SLC2A13: variants seen among roughly 807,000 people sequenced by gnomAD.
SLC2A13 encodes solute carrier family 2 member 13.
SLC2A13 carries 32 observed loss-of-function variants against 64.4 expected under a neutral mutation model. The observed-to-expected ratio is 0.50, with a 90% CI of 0.37 to 0.67. The LOEUF (loss-of-function observed/expected upper bound fraction) is 0.67. Ranked by LOEUF, SLC2A13 falls within the 30% of genes least tolerant of loss-of-function variation. The pLI is 0.00. For synonymous variants in SLC2A13, 338 were observed against 327.1 expected (o/e 1.03, Z -0.36); for missense variants, 743 against 829.2 (o/e 0.90, Z 1.28).
At chr12:39,968,763 T>TATATATATATAC (rs1946581772) in intron 3 of SLC2A13, among the ~76,000 whole-genome samples, 1 of 108,836 alleles carries the variant, frequency 9.2e-6, no homozygotes, top group Non-Finnish European at 1.8e-5. Context: ...TTTTTTGGTA[T>TATATATATATAC]ATATATATAT....
intron 7 of SLC2A13, among the ~76,000 whole-genome samples, chr12:39,771,690 G>A (rs1940583539): frequency 6.6e-6 from 1 of 152,020 alleles, no homozygotes; most frequent in South Asian, 2.1e-4. Flanking sequence ...ACAGTTTCCT[G>A]ATTTTCCTGC....
intron 2 of SLC2A13, among the ~76,000 whole-genome samples, chr12:40,041,373 C>A (rs1202286116): frequency 1.3e-5 from 2 of 152,248 alleles, no homozygotes; most frequent in Admixed American, 6.5e-5. Flanking sequence ...GATGACAGGG[C>A]CTTTGAAGAT....
chr12:39,864,951 A>C, intron 5 of SLC2A13, 69 bp from the exon 6 acceptor site: 4 of 1,416,234 alleles, frequency 2.8e-6, no homozygotes, highest in Non-Finnish European at 3.8e-6. Flanking sequence ...TGGGTTTGGT[A>C]AAAACAAACC....
At chr12:39,864,644 T>C (rs1943855330) in intron 6 of SLC2A13, 118 bp downstream of exon 6, 1 of 1,360,698 alleles carries the variant, frequency 7.3e-7, no homozygotes, top group Admixed American at 2.3e-5. Context: ...CTTCCCTTCT[T>C]ACATAAGCCT....
chr12:39,840,026 T>G (rs1185191345), intron 6 of SLC2A13, among the ~76,000 whole-genome samples: 1 of 151,756 alleles, frequency 6.6e-6, no homozygotes, highest in Non-Finnish European at 1.5e-5. Flanking sequence ...TCTCCATTCT[T>G]TTTTTTTGTT....
In SLC2A13 at chr12:40,081,293, G is replaced by A. The variant is rs1308182906; in HGVS notation, c.556+23960C>T. 2.0e-5 allele frequency among the ~76,000 whole-genome samples: 3 copies of A among 152,064 alleles called. No homozygotes were observed. In the East Asian group the frequency reaches 5.8e-4, roughly 29 times the overall value. On this transcript the variant is annotated intron_variant, in intron 1 of 9. Transcript: ENST00000280871. ...TTTCCTGGACAATATCCACAAAAAC[G>A]TTTTCCAAGTTGCTTGCTCTCTCTG...
At position 40,060,096 on chromosome 12, in the gene SLC2A13, C is replaced by CATGG. The variant is rs567067359; in HGVS notation, c.557-11890_557-11887dup. On this transcript the variant is annotated intron_variant, in intron 1 of 9. Coordinates refer to ENST00000280871, the MANE Select transcript of SLC2A13 (RefSeq NM_052885.4). ...TAATGGACGGATGGATGGATGGATGCATGGATGGATGGATGGATGGATGGA... is the reference window on the plus strand; with the variant it reads ...TAATGGACGGATGGATGGATGGATGCATGGATGGATGGATGGATGGATGGATGGA... Among the ~76,000 whole-genome samples the CATGG allele has an allele frequency of 5.0e-3, 750 of 151,326 alleles. 1 individual carries two copies. The highest frequency in any genetic ancestry group is 0.014 in the African/African-American group (580 of 41,184).
At chr12:39,978,661 C>T (rs914045593) in intron 3 of SLC2A13, among the ~76,000 whole-genome samples, 9 of 152,242 alleles carry the variant, frequency 5.9e-5, no homozygotes, top group Admixed American at 2.6e-4. Flanking sequence ...ACACCTGGCT[C>T]GGAGGGTCCT....
At chr12:39,805,773 T>C (rs1941960040) in intron 7 of SLC2A13, among the ~76,000 whole-genome samples, 1 of 152,114 alleles carries the variant, frequency 6.6e-6, no homozygotes, top group African/African-American at 2.4e-5. Context: ...CAGATCTGAG[T>C]GGGCAAGTCA....
intron 2 of SLC2A13, among the ~76,000 whole-genome samples, chr12:40,039,632 T>C (rs1948051257): frequency 1.3e-5 from 2 of 152,250 alleles, no homozygotes; most frequent in South Asian, 4.1e-4. Context: ...CTAGAGATAC[T>C]GCTTCACAAA....
At chr12:39,798,229 G>C (rs1350583679) in intron 7 of SLC2A13, among the ~76,000 whole-genome samples, 1 of 152,166 alleles carries the variant, frequency 6.6e-6, no homozygotes, top group Admixed American at 6.5e-5. Flanking sequence ...GGATCCTTCA[G>C]CTCCCCTTAA....
At chr12:40,075,176 G>C (rs1314334700) in intron 1 of SLC2A13, among the ~76,000 whole-genome samples, 1 of 152,178 alleles carries the variant, frequency 6.6e-6, no homozygotes, top group Non-Finnish European at 1.5e-5. Context: ...ACCTGGTAGA[G>C]CAGCAAGAGG....
intron 7 of SLC2A13, among the ~76,000 whole-genome samples, chr12:39,774,605 T>G (rs1940706625): frequency 6.6e-6 from 1 of 151,848 alleles, no homozygotes; most frequent in African/African-American, 2.4e-5. Flanking sequence ...TTTTTTGGTT[T>G]TGTAATTTTC....
intron 1 of SLC2A13, among the ~76,000 whole-genome samples, chr12:40,075,527 C>T (rs1938137038): frequency 6.6e-6 from 1 of 152,182 alleles, no homozygotes; most frequent in Admixed American, 6.5e-5. Flanking sequence ...TCCTGATATG[C>T]CCAACAATTT....
chr12:40,035,867 T>G (rs895243332), intron 2 of SLC2A13, among the ~76,000 whole-genome samples: 4 of 152,234 alleles, frequency 2.6e-5, no homozygotes, highest in African/African-American at 9.6e-5. Flanking sequence ...TGACAGAATG[T>G]GATATCGTTG....
At position 39,990,462 on chromosome 12, in the gene SLC2A13, A is replaced by G. The variant is rs1382295136; in HGVS notation, c.925+37839T>C. On this transcript the variant is annotated intron_variant, in intron 3 of 9. Coordinates refer to ENST00000280871, the MANE Select transcript of SLC2A13 (RefSeq NM_052885.4). ...AGTAAGAGTTCTTCTACTTAACAACATTATCAAAAGTACAAGAAGGATGTG... is the reference window on the plus strand; with the variant it reads ...AGTAAGAGTTCTTCTACTTAACAACGTTATCAAAAGTACAAGAAGGATGTG... Among the ~76,000 whole-genome samples the G allele has an allele frequency of 3.3e-5, 5 of 152,172 alleles. No homozygotes were observed. In the East Asian group the frequency reaches 9.6e-4, roughly 29 times the overall value.
intron 3 of SLC2A13, among the ~76,000 whole-genome samples, chr12:39,969,135 T>A (rs1946593463): frequency 6.6e-6 from 1 of 152,210 alleles, no homozygotes; most frequent in Non-Finnish European, 1.5e-5. Flanking sequence ...GAACTCATCC[T>A]TTTTTATGGC....
At chr12:40,057,291 C>A (rs1391999515) in intron 1 of SLC2A13, among the ~76,000 whole-genome samples, 2 of 151,878 alleles carry the variant, frequency 1.3e-5, no homozygotes, top group East Asian at 3.9e-4. Context: ...GAAAAAGAAA[C>A]CATTATAAGA....
At chr12:39,943,994 T>A in intron 4 of SLC2A13, among the ~76,000 whole-genome samples, 1 of 149,972 alleles carries the variant, frequency 6.7e-6, no homozygotes, top group Admixed American at 6.6e-5. Context: ...GGCTATGAAC[T>A]TTCCTCTTAG....
Sources: allele counts gnomAD v4.1 joint callset (sites outside exome capture counted in the v4.1 genomes callset), GRCh38; gene constraint gnomAD v4.1.1; transcripts MANE v1.5; gene names NCBI Gene and HGNC (gene_info 2026-07-23, HGNC 2026-07-21).